TTC6: variants seen among roughly 807,000 people sequenced by gnomAD.
TTC6 encodes tetratricopeptide repeat domain 6, also known as tetratricopeptide repeat protein 6.
In TTC6, 172 loss-of-function variants were observed where a neutral mutation model predicts 210.4. That is an observed-to-expected ratio of 0.82 (90% CI 0.72 to 0.93). TTC6 has a LOEUF of 0.93. Among genes scored for constraint, TTC6 ranks in the 40% least tolerant of loss-of-function variants. The pLI, the probability that TTC6 is intolerant of heterozygous loss-of-function variation, is 0.00. For missense variants in TTC6, 2,414 were observed against 2,318.1 expected, an observed-to-expected ratio of 1.04 and a Z score of -0.85; for synonymous variants, 804 against 819.6, an observed-to-expected ratio of 0.98 and a Z score of 0.32.
chr14:37,823,790 C>T (rs768904684), exon 27 of TTC6: 8 of 1,613,898 alleles, frequency 5.0e-6, no homozygotes, highest in South Asian at 4.4e-5. Context: ...TACTTGGGCT[C>T]TTAAAATTAA....
chr14:37,634,816 A>G (rs1295971903), intron 1 of TTC6, among the ~76,000 whole-genome samples: 1 of 152,218 alleles, frequency 6.6e-6, no homozygotes, highest in South Asian at 2.1e-4. Flanking sequence ...GAAGGCATTG[A>G]CACAGCATTT....
At position 37,751,447 on chromosome 14, in the gene TTC6, G is replaced by T. The variant is rs558977876; in HGVS notation, c.3129+222G>T. ...GAATGAATGAATTTACATCAGAATTGAGTGTGGAGGCATTGAGATAACATG... is the reference window on the plus strand; with the variant it reads ...GAATGAATGAATTTACATCAGAATTTAGTGTGGAGGCATTGAGATAACATG... On this transcript the variant is annotated intron_variant, in intron 13 of 30. Transcript: ENST00000553443. 2.6e-5 allele frequency among the ~76,000 whole-genome samples: 4 copies of T among 152,248 alleles called. No homozygotes were observed. In the East Asian group the frequency reaches 7.7e-4, roughly 29 times the overall value.
At chr14:37,689,908 C>T (rs1479677390) in intron 3 of TTC6, among the ~76,000 whole-genome samples, 1 of 151,836 alleles carries the variant, frequency 6.6e-6, no homozygotes, top group Non-Finnish European at 1.5e-5. Context: ...AGTAAGTACA[C>T]AGAAAAACAG....
chr14:37,694,582 C>T (rs2095810925), intron 3 of TTC6, among the ~76,000 whole-genome samples: 1 of 152,074 alleles, frequency 6.6e-6, no homozygotes, highest in Non-Finnish European at 1.5e-5. Context: ...GGGTACATAC[C>T]CCAAAGAAAG....
At chr14:37,652,145 T>G (rs1390068986) in intron 1 of TTC6, among the ~76,000 whole-genome samples, 1 of 152,204 alleles carries the variant, frequency 6.6e-6, no homozygotes, top group Non-Finnish European at 1.5e-5. Flanking sequence ...GGACAGCAAG[T>G]ACTCAGGTGA....
At chr14:37,622,646 C>G (rs1193196024) in exon 1 of TTC6, 1 of 1,535,144 alleles carries the variant, frequency 6.5e-7, no homozygotes, top group South Asian at 1.2e-5. Flanking sequence ...TAGCTCCTCT[C>G]GCAGGGCCCT....
At chr14:37,726,056 TCTC>T (rs1382335278) in intron 7 of TTC6, among the ~76,000 whole-genome samples, 2 of 152,190 alleles carry the variant, frequency 1.3e-5, no homozygotes, top group African/African-American at 4.8e-5. Flanking sequence ...TAAAAATTCT[TCTC>T]CTTCTTCCTC....
chr14:37,832,370 G>T (rs2096187995), intron 29 of TTC6, among the ~76,000 whole-genome samples: 2 of 90,998 alleles, frequency 2.2e-5, no homozygotes, highest in African/African-American at 4.7e-5. Flanking sequence ...TTTGGGCTTG[G>T]CTAGTTCTTG....
At chr14:37,733,968 C>A (rs1456718198) in intron 7 of TTC6, among the ~76,000 whole-genome samples, 1 of 151,986 alleles carries the variant, frequency 6.6e-6, no homozygotes, top group Non-Finnish European at 1.5e-5. Flanking sequence ...CTTAGTATTT[C>A]TATTTTTCCC....
chr14:37,648,943 G>C lies in TTC6; in HGVS notation c.939+25940G>C, dbSNP rs190470424. Among the ~76,000 whole-genome samples the C allele has an allele frequency of 3.7e-4, 56 of 152,104 alleles. 1 individual carries two copies. In the East Asian group the frequency reaches 9.9e-3, roughly 27 times the overall value. On this transcript the variant is annotated intron_variant, in intron 1 of 30. Coordinates refer to ENST00000553443, the Ensembl canonical transcript of TTC6. ...ATGTAGTGGGTTTGAATCTCAGTTT[G>C]TAAACAGAGATGTGCAAGAATCATG... is the stretch of plus-strand genomic sequence containing the variant.
At chr14:37,768,687 TAAG>T (rs1320106918) in intron 14 of TTC6, among the ~76,000 whole-genome samples, 3 of 151,872 alleles carry the variant, frequency 2.0e-5, no homozygotes, top group Non-Finnish European at 4.4e-5. Flanking sequence ...CTTATCAGCT[TAAG>T]GAGATTTTGG....
At chr14:37,707,767 C>T (rs776263968) in intron 5 of TTC6, among the ~76,000 whole-genome samples, 4 of 151,998 alleles carry the variant, frequency 2.6e-5, no homozygotes, top group Non-Finnish European at 5.9e-5. Flanking sequence ...TTTCTGTGTA[C>T]TCAACTTTGA....
intron 14 of TTC6, among the ~76,000 whole-genome samples, chr14:37,782,625 C>T (rs1370175607): frequency 1.3e-5 from 2 of 152,120 alleles, no homozygotes; most frequent in African/African-American, 4.8e-5. Flanking sequence ...TTATTTCTTT[C>T]TCCTGCCTAA....
chr14:37,707,090 A>T (rs1441184858), intron 5 of TTC6, among the ~76,000 whole-genome samples: 2 of 151,584 alleles, frequency 1.3e-5, no homozygotes, highest in Admixed American at 1.3e-4. Context: ...TCATTATCTG[A>T]TATCTAATCT....
exon 13 of TTC6, chr14:37,751,087 A>G (rs1001398758): frequency 8.6e-6 from 13 of 1,516,770 alleles, no homozygotes; most frequent in Non-Finnish European, 1.1e-5. Flanking sequence ...TTTACAGGGG[A>G]AAAAAAGACA....
chr14:37,839,655 G>C (rs751682900), intron 29 of TTC6, among the ~76,000 whole-genome samples: 15 of 152,166 alleles, frequency 9.9e-5, no homozygotes, highest in Non-Finnish European at 1.9e-4. Flanking sequence ...AGTTTAATTA[G>C]ATCTCGTTTA....
At chr14:37,788,057 G>T (rs1050252600) in intron 15 of TTC6, among the ~76,000 whole-genome samples, 1 of 151,964 alleles carries the variant, frequency 6.6e-6, no homozygotes, top group Non-Finnish European at 1.5e-5. Context: ...GTCCTGGTGG[G>T]CTGTGTCCTG....
chr14:37,837,692 AT>A (rs1185348482), intron 29 of TTC6: 2 of 170,832 alleles, frequency 1.2e-5, no homozygotes, highest in Non-Finnish European at 2.5e-5. Flanking sequence ...GTGGAGTTTT[AT>A]TTGTTACCTT....
chr14:37,651,049 T>C (rs1416370241), intron 1 of TTC6, among the ~76,000 whole-genome samples: 3 of 152,208 alleles, frequency 2.0e-5, no homozygotes, highest in Non-Finnish European at 2.9e-5. Flanking sequence ...GAAGTATTAA[T>C]ACTTGGTACA....
Sources: gnomAD v4.1 joint callset for allele counts (sites outside exome capture counted in the v4.1 genomes callset) on GRCh38, gnomAD v4.1.1 for gene constraint, MANE v1.5 for transcripts, NCBI Gene and HGNC (gene_info 2026-07-23, HGNC 2026-07-21) for gene names.